Variants in DSCAM observed in about 807,000 individuals in gnomAD.
DSCAM encodes the protein DS cell adhesion molecule, also known as cell adhesion molecule DSCAM.
A neutral mutation model predicts 217.7 loss-of-function variants in DSCAM; 47 were observed. The observed-to-expected ratio is 0.22, with a 90% CI of 0.17 to 0.28. The LOEUF (loss-of-function observed/expected upper bound fraction) is 0.28, where lower values mean the gene tolerates loss of function less well. DSCAM is among the 10% of genes least tolerant of loss of function. DSCAM has a pLI of 1.00. For synonymous variants in DSCAM, 1,056 were observed against 1,015.3 expected (o/e 1.04, Z -0.76); for missense variants, 2,080 against 2,618.3 (o/e 0.79, Z 4.49).
chr21:40,118,716 G>A (rs2090000625), intron 20 of DSCAM, among the ~76,000 whole-genome samples: 1 of 152,122 alleles, frequency 6.6e-6, no homozygotes, highest in African/African-American at 2.4e-5. Flanking sequence ...TTCTCTTCCT[G>A]CAAGCCAGGG....
intron 1 of DSCAM, among the ~76,000 whole-genome samples, chr21:40,814,134 A>T (rs2091861772): frequency 6.6e-6 from 1 of 152,198 alleles, no homozygotes; most frequent in African/African-American, 2.4e-5. Context: ...ATATAAGCAC[A>T]TGTGACCAAA....
At chr21:40,702,218 G>T (rs2090664209) in intron 2 of DSCAM, among the ~76,000 whole-genome samples, 2 of 152,114 alleles carry the variant, frequency 1.3e-5, no homozygotes, top group Admixed American at 1.3e-4. Context: ...TTAGGGCAGT[G>T]AAACTGTTCT....
intron 1 of DSCAM, among the ~76,000 whole-genome samples, chr21:40,783,455 G>GTGTGTGCGTGTGTT (rs2091565757): frequency 6.6e-6 from 1 of 152,196 alleles, no homozygotes; most frequent in Non-Finnish European, 1.5e-5. Context: ...GTGCGTGTGT[G>GTGTGTGCGTGTGTT]TGTGTGCATG....
intron 3 of DSCAM, among the ~76,000 whole-genome samples, chr21:40,518,002 G>A (rs1234121052): frequency 6.6e-6 from 1 of 151,980 alleles, no homozygotes; most frequent in African/African-American, 2.4e-5. Context: ...TCTGGCCTCT[G>A]CAGACTCTTG....
rs1184627357 is a variant in DSCAM at position 40,030,069 on chromosome 21, CACACATGCACATGTACGTGGATACATAA to C, written c.5686+12274_5686+12301del. Among the ~76,000 whole-genome samples, 5 of 152,240 alleles carry C rather than the reference CACACATGCACATGTACGTGGATACATAA, an allele frequency of 3.3e-5. No individual in the cohort carries two copies. The East Asian group carries it at 7.7e-4, about 23-fold the overall frequency. On this transcript the variant is annotated intron_variant, in intron 32 of 32. Transcript: ENST00000400454. The stretch of plus-strand genomic sequence containing the variant: ...ACATGCATGGACACATATATGTTGA[CACACATGCACATGTACGTGGATACATAA>C]GCACATGCTCCCATGCATGGATACA...
At chr21:40,540,539 T>A (rs959396042) in intron 3 of DSCAM, among the ~76,000 whole-genome samples, 4 of 152,154 alleles carry the variant, frequency 2.6e-5, no homozygotes, top group African/African-American at 9.7e-5. Context: ...CCTTAATTCT[T>A]CCACATTGTA....
chr21:40,473,399 G>T (rs980572454), intron 3 of DSCAM, among the ~76,000 whole-genome samples: 8 of 152,290 alleles, frequency 5.3e-5, no homozygotes, highest in Admixed American at 4.6e-4. Flanking sequence ...ATCAAGAGGG[G>T]GCTGAGAAGC....
intron 1 of DSCAM, among the ~76,000 whole-genome samples, chr21:40,735,162 C>T (rs2091050847): frequency 6.6e-6 from 1 of 152,144 alleles, no homozygotes; most frequent in Non-Finnish European, 1.5e-5. Flanking sequence ...TGTTTTTCTC[C>T]TCCAGTTGAT....
Position 40,016,578 on chromosome 21 carries a change from T to C in DSCAM, c.5687-3192A>G, listed in dbSNP as rs575002555. On this transcript the variant is annotated intron_variant, in intron 32 of 32. Coordinates refer to ENST00000400454, the MANE Select transcript of DSCAM (RefSeq NM_001389.5). This position sits in a 1 kb window ranked among gnomAD's most constrained non-coding sequence, Gnocchi z 4.3. ...TTCAAAATATCCCCTGCTTTCCTTA[T>C]GTTACTGTATGCTAACAATAATTAA... 2.6e-5 allele frequency among the ~76,000 whole-genome samples: 4 copies of C among 152,318 alleles called. No individual in the cohort carries two copies. Among genetic ancestry groups the C allele is most frequent in the South Asian group, 2.1e-4 (1 of 4,824 alleles).
intron 3 of DSCAM, among the ~76,000 whole-genome samples, chr21:40,532,098 C>G (rs946077853): frequency 3.3e-5 from 5 of 152,176 alleles, no homozygotes; most frequent in Admixed American, 1.3e-4. Context: ...TTCTTTTATG[C>G]TCTCACGGCT....
At position 40,042,613 on chromosome 21, in the gene DSCAM, G is replaced by T. The variant is rs1239687420; in HGVS notation, c.5444C>A (p.Ala1815Asp). Residue 1815 changes from alanine (A) to aspartate (D), a missense_variant, in exon 32 of 33, where the codon GCC (alanine) becomes GAC (aspartate). By Grantham distance (126) the Ala-to-Asp change is moderately radical (BLOSUM62 -2). This residue lies in a region of DSCAM where 1,144 missense variants were observed against 1,421.1 expected (regional missense o/e 0.81). Coordinates refer to ENST00000400454, the MANE Select transcript of DSCAM (RefSeq NM_001389.5). The stretch of plus-strand genomic sequence containing the variant: ...CATCTTGGCGTGTTCGTAGGCCCTG[G>T]CCAGTTCTTCGTAAGTGGAGGAGGC... The part of the protein sequence containing the change: ...ESASSTYEEL[A>D]RAYEHAKMEE... 2 of 1,613,998 alleles carry T rather than the reference G, an allele frequency of 1.2e-6. No individual in the cohort carries two copies. Among genetic ancestry groups the T allele is most frequent in the East Asian group, 2.2e-5 (1 of 44,854 alleles).
chr21:40,281,426 G>A (rs1347390650), intron 10 of DSCAM, among the ~76,000 whole-genome samples: 3 of 152,092 alleles, frequency 2.0e-5, no homozygotes, highest in Non-Finnish European at 4.4e-5. Context: ...ACGTTGCAAT[G>A]AATGTCTCCA....
chr21:40,451,206 A>T (rs2075716325), intron 3 of DSCAM, among the ~76,000 whole-genome samples: 1 of 152,222 alleles, frequency 6.6e-6, no homozygotes, highest in Non-Finnish European at 1.5e-5. Context: ...CAGACTCCAA[A>T]GGGCCACAAT....
chr21:40,035,619 C>T lies in DSCAM; in HGVS notation c.5686+6752G>A, dbSNP rs35801659. On this transcript the variant is annotated intron_variant, in intron 32 of 32. Coordinates refer to ENST00000400454, the MANE Select transcript of DSCAM (RefSeq NM_001389.5). The stretch of plus-strand genomic sequence containing the variant: ...TAGACAGATCAACGAGACAGAAAGT[C>T]AACAAGGATACCCAGGAATTGAACT... Among the ~76,000 whole-genome samples, 810 of 146,260 alleles carry T rather than the reference C, an allele frequency of 5.5e-3. 2 individuals carry two copies. Among genetic ancestry groups the T allele is most frequent in the African/African-American group, 0.02 (773 of 38,014 alleles).
chr21:40,121,633 C>T lies in DSCAM; in HGVS notation c.3696+2562G>A, dbSNP rs146407972. ...CACAGAGATACCCTGATAAAAATCT[C>T]AGCTGTTATTTCCCACCTTTTTCTG... On this transcript the variant is annotated intron_variant, in intron 20 of 32. Transcript: ENST00000400454. 2.0e-4 allele frequency among the ~76,000 whole-genome samples: 29 copies of T among 148,540 alleles called. 1 individual carries two copies. The highest frequency in any genetic ancestry group is 6.4e-4 in the African/African-American group (26 of 40,644).
At chr21:40,343,643 TAC>T (rs570665164) in intron 6 of DSCAM, among the ~76,000 whole-genome samples, 88 of 150,838 alleles carry the variant, frequency 5.8e-4, no homozygotes, top group Non-Finnish European at 9.0e-4. Context: ...CCAATTGATT[TAC>T]ACACACACAC....
chr21:40,181,864 A>C (rs983812268), intron 14 of DSCAM, among the ~76,000 whole-genome samples: 1 of 152,070 alleles, frequency 6.6e-6, no homozygotes, highest in Non-Finnish European at 1.5e-5. Context: ...TGGTTTAGGA[A>C]GATGTCAGAA....
chr21:40,336,660 T>C (rs2074432585), intron 8 of DSCAM, among the ~76,000 whole-genome samples: 1 of 152,244 alleles, frequency 6.6e-6, no homozygotes, highest in African/African-American at 2.4e-5. Flanking sequence ...CATCTGACTA[T>C]TGCAATGAAC....
intron 1 of DSCAM, among the ~76,000 whole-genome samples, chr21:40,789,777 G>A (rs7277017): frequency 0.43 from 65,080 of 151,870 alleles, 15,848 homozygotes; most frequent in African/African-American, 0.67. Context: ...GGATGGTCTC[G>A]ATCTCCTGAC....
Sources: allele counts gnomAD v4.1 joint callset (sites outside exome capture counted in the v4.1 genomes callset), GRCh38; gene constraint gnomAD v4.1.1; regional missense constraint gnomAD v4.1.1; non-coding constraint Gnocchi (gnomAD v3.1); transcripts MANE v1.5; gene names NCBI Gene and HGNC (gene_info 2026-07-23, HGNC 2026-07-21).